Variants in SLC24A3 observed in about 807,000 individuals in gnomAD.
SLC24A3 encodes sodium/potassium/calcium exchanger 3.
Under a neutral mutation model 75.8 loss-of-function variants are expected in SLC24A3, and 28 were observed. The observed-to-expected ratio is 0.37, with a 90% CI of 0.27 to 0.51. The LOEUF (loss-of-function observed/expected upper bound fraction) is 0.51, where lower values mean the gene tolerates loss of function less well. Ranked by LOEUF, SLC24A3 falls within the 20% of genes least tolerant of loss-of-function variation. SLC24A3 has a pLI of 0.94. For missense variants in SLC24A3, 663 were observed against 847.8 expected (o/e 0.78, Z 2.71); for synonymous variants, 372 against 334.1 (o/e 1.11, Z -1.24).
In SLC24A3 at chr20:19,523,599, T is replaced by G. The variant is rs1354927819; in HGVS notation, c.348+8035T>G. On this transcript the variant is annotated intron_variant, in intron 3 of 16. Coordinates refer to ENST00000328041, the MANE Select transcript of SLC24A3 (RefSeq NM_020689.4). Reference sequence around the variant, plus strand: ...GCTGGTGGGTTGATATCCTAGGACCTGAGCTGGATATAAAGCATGACGGCT... The same window carrying G: ...GCTGGTGGGTTGATATCCTAGGACCGGAGCTGGATATAAAGCATGACGGCT... 3.3e-5 allele frequency among the ~76,000 whole-genome samples: 5 copies of G among 152,218 alleles called. No homozygotes were observed. In the East Asian group the frequency reaches 9.6e-4, roughly 29 times the overall value.
chr20:19,482,439 TCACAGCCATCCTTG>T (rs1175036839), intron 2 of SLC24A3, among the ~76,000 whole-genome samples: 1 of 152,200 alleles, frequency 6.6e-6, no homozygotes, highest in Admixed American at 6.5e-5. Context: ...GCCAAGGGAA[TCACAGCCATCCTTG>T]CACAGGTCTT....
chr20:19,439,878 C>T (rs868693152), intron 2 of SLC24A3, among the ~76,000 whole-genome samples: 8 of 152,124 alleles, frequency 5.3e-5, no homozygotes, highest in African/African-American at 1.7e-4. Context: ...AGGTTGAATT[C>T]GGTCTTAAAC....
At chr20:19,418,215 G>A (rs1291077935) in intron 2 of SLC24A3, among the ~76,000 whole-genome samples, 5 of 152,182 alleles carry the variant, frequency 3.3e-5, no homozygotes, top group East Asian at 1.9e-4. Context: ...CAGAGACAGC[G>A]TGGAGCACAT....
At chr20:19,450,723 G>T (rs529083842) in intron 2 of SLC24A3, among the ~76,000 whole-genome samples, 1 of 152,232 alleles carries the variant, frequency 6.6e-6, no homozygotes, top group Non-Finnish European at 1.5e-5. Flanking sequence ...AGTGGGCTGG[G>T]TTCGATGGCT....
intron 6 of SLC24A3, among the ~76,000 whole-genome samples, chr20:19,646,525 A>G (rs1417887544): frequency 1.3e-5 from 2 of 152,190 alleles, no homozygotes; most frequent in Non-Finnish European, 2.9e-5. Flanking sequence ...GTTAACAACG[A>G]TAACAGTTAA....
At chr20:19,499,260 C>A (rs1280599879) in intron 2 of SLC24A3, among the ~76,000 whole-genome samples, 1 of 152,198 alleles carries the variant, frequency 6.6e-6, no homozygotes, top group Non-Finnish European at 1.5e-5. Flanking sequence ...TATCTTAGTT[C>A]TGGCAGCTTT....
At chr20:19,333,660 A>AGT (rs11471788) in intron 2 of SLC24A3, among the ~76,000 whole-genome samples, 5,950 of 147,902 alleles carry the variant, frequency 0.04, 351 homozygotes, top group African/African-American at 0.13. Flanking sequence ...TGTGTGTGAG[A>AGT]GTGTGTGTGT....
At chr20:19,679,309 C>T (rs1358191191) in intron 9 of SLC24A3, among the ~76,000 whole-genome samples, 4 of 152,200 alleles carry the variant, frequency 2.6e-5, no homozygotes, top group African/African-American at 4.8e-5. Context: ...GAGACCAGCC[C>T]GGCCAACACA....
intron 2 of SLC24A3, among the ~76,000 whole-genome samples, chr20:19,471,211 C>T (rs1987863974): frequency 6.6e-6 from 1 of 152,178 alleles, no homozygotes; most frequent in South Asian, 2.1e-4. Flanking sequence ...GGAAAGGCCC[C>T]TTCAGTGTTT....
At chr20:19,412,551 GAGA>G (rs1213642819) in intron 2 of SLC24A3, among the ~76,000 whole-genome samples, 1 of 151,660 alleles carries the variant, frequency 6.6e-6, no homozygotes, top group Non-Finnish European at 1.5e-5. Flanking sequence ...GAGGAAGACG[GAGA>G]AGGAGGAGGG....
intron 1 of SLC24A3, among the ~76,000 whole-genome samples, chr20:19,276,786 T>G (rs1409759953): frequency 6.6e-6 from 1 of 152,024 alleles, no homozygotes; most frequent in Non-Finnish European, 1.5e-5. Flanking sequence ...GCACCTGCAG[T>G]CCTAGATACT....
At chr20:19,541,537 T>C (rs1174037000) in intron 3 of SLC24A3, among the ~76,000 whole-genome samples, 1 of 152,204 alleles carries the variant, frequency 6.6e-6, no homozygotes, top group Non-Finnish European at 1.5e-5. Flanking sequence ...TCTAAGGATG[T>C]GGGGCACCCC....
At chr20:19,482,187 C>T (rs998594679) in intron 2 of SLC24A3, among the ~76,000 whole-genome samples, 2 of 152,214 alleles carry the variant, frequency 1.3e-5, no homozygotes, top group Admixed American at 6.5e-5. Flanking sequence ...TGAAGACCAA[C>T]ACTTCAACCT....
intron 3 of SLC24A3, among the ~76,000 whole-genome samples, chr20:19,567,798 T>C (rs1166010387): frequency 6.6e-6 from 1 of 152,042 alleles, no homozygotes; most frequent in East Asian, 1.9e-4. Context: ...ACATCAAAAA[T>C]TAAAACTTTT....
chr20:19,698,001 G>A (rs1403479493), intron 14 of SLC24A3, among the ~76,000 whole-genome samples: 1 of 152,178 alleles, frequency 6.6e-6, no homozygotes, highest in Admixed American at 6.5e-5. Flanking sequence ...TGTACAAGAA[G>A]CATGCCAGCA....
intron 2 of SLC24A3, among the ~76,000 whole-genome samples, chr20:19,372,800 A>C: frequency 6.6e-6 from 1 of 152,066 alleles, no homozygotes; most frequent in Admixed American, 6.5e-5. Context: ...CCCCGAGCTC[A>C]GCACCACTGA....
chr20:19,345,830 C>T (rs886069268), intron 2 of SLC24A3, among the ~76,000 whole-genome samples: 11 of 151,626 alleles, frequency 7.3e-5, no homozygotes, highest in African/African-American at 1.9e-4. Flanking sequence ...CACTTTTACA[C>T]GGTTGGTGGG....
chr20:19,493,909 T>G (rs1355628331), intron 2 of SLC24A3, among the ~76,000 whole-genome samples: 1 of 152,218 alleles, frequency 6.6e-6, no homozygotes, highest in African/African-American at 2.4e-5. Flanking sequence ...AGGCCTGGTT[T>G]GGAGGGAAAT....
At chr20:19,529,183 ATGTG>A (rs774616249) in intron 3 of SLC24A3, among the ~76,000 whole-genome samples, 2 of 151,852 alleles carry the variant, frequency 1.3e-5, no homozygotes, top group Non-Finnish European at 2.9e-5. Context: ...GTGTGTATAT[ATGTG>A]TGTGTGTATA....
Sources: allele counts gnomAD v4.1 joint callset (sites outside exome capture counted in the v4.1 genomes callset), GRCh38; gene constraint gnomAD v4.1.1; transcripts MANE v1.5; gene names NCBI Gene and HGNC (gene_info 2026-07-23, HGNC 2026-07-21).